The following ARL17A variants were observed in gnomAD, a reference collection of about 807,000 sequenced individuals.
ARL17A encodes the protein ADP-ribosylation factor-like 17-like.
intron 3 of ARL17A, among the ~76,000 whole-genome samples, chr17:46,544,838 T>C (rs1005550698): frequency 7.9e-6 from 1 of 127,346 alleles, no homozygotes; most frequent in Non-Finnish European, 1.6e-5. Context: ...GATGAAAGAA[T>C]AGTACAGAAT....
At chr17:46,573,100 A>T (rs2057702535) in intron 2 of ARL17A, among the ~76,000 whole-genome samples, 1 of 60,554 alleles carries the variant, frequency 1.7e-5, no homozygotes, top group Non-Finnish European at 4.0e-5. Context: ...GACCCAAGCA[A>T]GCTGGGTCTG....
chr17:46,525,629 C>A (rs1245398722), downstream of ARL17A, among the ~76,000 whole-genome samples: 15 of 122,848 alleles, frequency 1.2e-4, no homozygotes, highest in African/African-American at 3.7e-4. Flanking sequence ...TCATCATCAT[C>A]ATCATCATCA....
At chr17:46,548,776 G>T (rs1437681528), downstream of ARL17A, 1 of 1,611,548 alleles carries the variant, frequency 6.2e-7, no homozygotes, top group East Asian at 2.2e-5. Flanking sequence ...AGCCCCAAGG[G>T]AGGTGGAACA....
chr17:46,545,657 T>C (rs1474616004), intron 3 of ARL17A, among the ~76,000 whole-genome samples: 4 of 121,500 alleles, frequency 3.3e-5, no homozygotes, highest in Non-Finnish European at 6.4e-5. Context: ...TAGCTGGCAT[T>C]ATTTCATTGA....
At chr17:46,551,207 TA>T (rs1322515713), downstream of ARL17A, among the ~76,000 whole-genome samples, 6 of 149,260 alleles carry the variant, frequency 4.0e-5, no homozygotes, top group South Asian at 4.1e-4. Flanking sequence ...TCAACTTACC[TA>T]AAGCCTACAT....
At chr17:46,542,526 G>GATAGAT (rs2055548068) in intron 3 of ARL17A, among the ~76,000 whole-genome samples, 2 of 145,874 alleles carry the variant, frequency 1.4e-5, no homozygotes, top group African/African-American at 2.7e-5. Context: ...TATATATATA[G>GATAGAT]ATATAGATAT....
intron 3 of ARL17A, among the ~76,000 whole-genome samples, chr17:46,569,071 T>C (rs1258731084): frequency 9.2e-5 from 13 of 141,912 alleles, no homozygotes; most frequent in Non-Finnish European, 1.4e-4. Context: ...GCCTCCCGAG[T>C]AGCTGGGATT....
At chr17:46,528,091 C>T (rs1194488960), downstream of ARL17A, among the ~76,000 whole-genome samples, 22 of 114,302 alleles carry the variant, frequency 1.9e-4, no homozygotes, top group African/African-American at 7.0e-4. Flanking sequence ...CTCTGAGAAT[C>T]CCACGCTTCT....
the ARL17A span, among the ~76,000 whole-genome samples, chr17:46,502,714 G>T: frequency 1.3e-5 from 2 of 151,342 alleles, no homozygotes; most frequent in Non-Finnish European, 2.9e-5. Flanking sequence ...TAAGGCACCT[G>T]TGAGGGTTTT....
chr17:46,558,376 G>GTT (rs1220226031), intron 3 of ARL17A, among the ~76,000 whole-genome samples: 1 of 106,844 alleles, frequency 9.4e-6, no homozygotes, highest in Non-Finnish European at 1.8e-5. Context: ...GGGTTTTGGG[G>GTT]TTTTTTTTGT....
At chr17:46,528,678 C>G, downstream of ARL17A, 1 of 593,286 alleles carries the variant, frequency 1.7e-6, no homozygotes, top group South Asian at 2.0e-5. Context: ...CAAGATCACA[C>G]CACTGCACTG....
intron 3 of ARL17A, among the ~76,000 whole-genome samples, chr17:46,541,837 A>G (rs2055380226): frequency 1.3e-5 from 2 of 151,018 alleles, no homozygotes; most frequent in Admixed American, 6.6e-5. Flanking sequence ...AAAAGAACTC[A>G]GCATCTGTGG....
chr17:46,534,197 G>GTTTTTGTT (rs372927296), intron 4 of ARL17A, among the ~76,000 whole-genome samples: 17 of 148,734 alleles, frequency 1.1e-4, no homozygotes, highest in South Asian at 2.1e-4. Context: ...TTTTGTTTTT[G>GTTTTTGTT]TTTTTTTTAA....
intron 4 of ARL17A, among the ~76,000 whole-genome samples, chr17:46,531,350 TG>T (rs2053619600): frequency 1.4e-5 from 1 of 71,130 alleles, no homozygotes; most frequent in Non-Finnish European, 2.5e-5. Flanking sequence ...AGTATCTCGC[TG>T]CAGTTTTTGA....
intron 3 of ARL17A, among the ~76,000 whole-genome samples, chr17:46,558,136 T>C (rs981483233): frequency 7.9e-6 from 1 of 125,992 alleles, no homozygotes; most frequent in African/African-American, 3.2e-5. Flanking sequence ...CTCAGCTCAC[T>C]GCATCCTCCG....
intron 3 of ARL17A, among the ~76,000 whole-genome samples, chr17:46,539,445 T>C (rs1202538716): frequency 4.0e-5 from 6 of 149,622 alleles, no homozygotes; most frequent in Admixed American, 2.0e-4. Context: ...AATTAAACCA[T>C]AAATTTTAAA....
At chr17:46,522,113 TTAGG>T (rs1254811073) in intron 3 of ARL17A, among the ~76,000 whole-genome samples, 1 of 10,776 alleles carries the variant, frequency 9.3e-5, no homozygotes, top group Admixed American at 7.3e-4. Context: ...GCAGGATAGT[TTAGG>T]TAGGGAGAGA....
At chr17:46,509,841 AG>A in the ARL17A span, among the ~76,000 whole-genome samples, 2 of 26,552 alleles carry the variant, frequency 7.5e-5, no homozygotes, top group Non-Finnish European at 1.4e-4. Flanking sequence ...CAGGAGGCGG[AG>A]GTTGCAGTGA....
chr17:46,516,529 G>A (rs980691975), downstream of ARL17A, among the ~76,000 whole-genome samples: 3 of 146,040 alleles, frequency 2.1e-5, no homozygotes, highest in South Asian at 4.2e-4. Flanking sequence ...CTAGGCAAAC[G>A]CATGGCTACA....
Sources: gnomAD v4.1 joint callset for allele counts (sites outside exome capture counted in the v4.1 genomes callset) on GRCh38, gnomAD v4.1.1 for gene constraint, MANE v1.5 for transcripts, NCBI Gene and HGNC (gene_info 2026-07-23, HGNC 2026-07-21) for gene names.